The following RALGAPA1 variants were observed in gnomAD, a reference collection of about 807,000 sequenced individuals.
The protein encoded by RALGAPA1 is ral GTPase-activating protein subunit alpha-1.
RALGAPA1 carries 52 observed loss-of-function variants against 269.6 expected under a neutral mutation model. The observed-to-expected ratio is 0.19, with a 90% CI of 0.15 to 0.24. RALGAPA1 has a LOEUF of 0.24. Ranked by LOEUF, RALGAPA1 falls within the 10% of genes least tolerant of loss-of-function variation. RALGAPA1 has a pLI of 1.00. For synonymous variants in RALGAPA1, 817 were observed against 1,008.3 expected (o/e 0.81, Z 3.60); for missense variants, 1,917 against 3,013.9 (o/e 0.64, Z 8.52).
rs766549824 is a variant in RALGAPA1 at position 35,627,634 on chromosome 14, C to T, written c.6313G>A (p.Val2105Ile). Reference sequence around the variant, plus strand: ...GAATATTTTCCAGAGAGATCACGTACTATGATTCTGACATTTGAATTGGCT... The same window carrying T: ...GAATATTTTCCAGAGAGATCACGTATTATGATTCTGACATTTGAATTGGCT... ...ASANSNVRII[V>I]RDLSGKYSWD... The change falls in exon 34 of 42, where the codon GTA becomes ATA. Residue 2105 changes from valine (V) to isoleucine (I), a missense_variant. Physicochemically the swap from Val to Ile is conservative, Grantham distance 29. Coordinates refer to ENST00000680220, the MANE Select transcript of RALGAPA1 (RefSeq NM_001346249.2). The T allele has an allele frequency of 4.4e-6, 7 of 1,591,342 alleles. No homozygotes were observed. The Admixed American group carries it at 1.2e-4, about 28-fold the overall frequency.
Position 35,688,415 on chromosome 14 carries a change from T to G in RALGAPA1, c.3952+44A>C, listed in dbSNP as rs567627732. 2.0e-6 allele frequency: 3 copies of G among 1,535,618 alleles called. 1 individual carries two copies. The South Asian group carries it at 3.6e-5, about 18-fold the overall frequency. On this transcript the variant is annotated intron_variant, in intron 18 of 41. Transcript: ENST00000680220. ...CTTCAGTTGCATTAAGCCAAACTGG[T>G]GCTGTCTTTCTCCTTTTGCGCTCTG...
At chr14:35,550,778 A>G (rs2054925417) in intron 39 of RALGAPA1, among the ~76,000 whole-genome samples, 1 of 152,144 alleles carries the variant, frequency 6.6e-6, no homozygotes, top group African/African-American at 2.4e-5. Flanking sequence ...ATTACCTTCC[A>G]TTCTGTACAC....
Position 35,627,768 on chromosome 14 carries a change from C to T in RALGAPA1, c.6179G>A (p.Ser2060Asn), listed in dbSNP as rs1566865769. ...STELSPELFESPNIQFFVLNN... is the reference protein window; with the variant it reads ...STELSPELFENPNIQFFVLNN... The stretch of plus-strand genomic sequence containing the variant: ...TAACACAAAGAACTGGATATTTGGA[C>T]TCTCAAAGAGTTCAGGAGAAAGTTC... Residue 2060 changes from serine (S) to asparagine (N), a missense_variant, in exon 34 of 42, where the codon AGT (serine) becomes AAT (asparagine). Ser to Asn is a conservative substitution (Grantham distance 46). Transcript: ENST00000680220. 6.2e-7 allele frequency: 1 copy of T among 1,612,468 alleles called. No homozygotes were observed. Among genetic ancestry groups the T allele is most frequent in the Admixed American group, 1.7e-5 (1 of 59,898 alleles).
At position 35,627,755 on chromosome 14, in the gene RALGAPA1, C is replaced by G; in HGVS notation, c.6192G>C (p.Gln2064His). 1 of 1,613,622 alleles carries G rather than the reference C, an allele frequency of 6.2e-7. No individual in the cohort carries two copies. Among genetic ancestry groups the G allele is most frequent in the Non-Finnish European group, 8.5e-7 (1 of 1,179,794 alleles). ...SPELFESPNI[Q>H]FFVLNNTTLV... Reference sequence around the variant, plus strand: ...AGGTTGTATTATTTAACACAAAGAACTGGATATTTGGACTCTCAAAGAGTT... The same window carrying G: ...AGGTTGTATTATTTAACACAAAGAAGTGGATATTTGGACTCTCAAAGAGTT... Residue 2064 changes from glutamine (Q) to histidine (H), a missense_variant, in exon 34 of 42, where the codon CAG becomes CAC. Physicochemically the swap from Gln to His is conservative, Grantham distance 24 (BLOSUM62 0). This residue lies in a region of RALGAPA1 where 346 missense variants were observed against 566.1 expected (regional missense o/e 0.61). Coordinates refer to ENST00000680220, the MANE Select transcript of RALGAPA1 (RefSeq NM_001346249.2).
chr14:35,582,898 T>G (rs2058044907), intron 37 of RALGAPA1, among the ~76,000 whole-genome samples: 1 of 152,066 alleles, frequency 6.6e-6, no homozygotes, highest in Non-Finnish European at 1.5e-5. Context: ...AAAACACTAG[T>G]GAAGTTCACA....
Position 35,539,377 on chromosome 14 carries a change from A to C in RALGAPA1, c.*337T>G. 1.3e-6 allele frequency: 1 copy of C among 776,786 alleles called. No individual in the cohort carries two copies. 48.1% of individuals were successfully genotyped at this position (776,786 alleles called of 1,614,324 possible). On this transcript the variant is annotated 3_prime_UTR_variant, in exon 42 of 42. Transcript: ENST00000680220. ...GAAACAATAAATAACTTAAATCTTT[A>C]ATATTAAGCTACAAATTATTTAAAA... is the stretch of plus-strand genomic sequence containing the variant.
chr14:35,722,984 T>A, intron 15 of RALGAPA1, 43 bp downstream of exon 15: 1 of 1,258,090 alleles, frequency 7.9e-7, no homozygotes, highest in Non-Finnish European at 1.1e-6. Flanking sequence ...GACTCAATTA[T>A]TTAAACAAAT....
At chr14:35,543,838 T>C (rs779575724) in intron 41 of RALGAPA1, among the ~76,000 whole-genome samples, 19 of 152,178 alleles carry the variant, frequency 1.2e-4, no homozygotes, top group Non-Finnish European at 2.8e-4. Flanking sequence ...AGAAGGGTTT[T>C]GCCATGTTGG....
chr14:35,752,481 C>T (rs1440216067), intron 7 of RALGAPA1, among the ~76,000 whole-genome samples: 1 of 152,076 alleles, frequency 6.6e-6, no homozygotes, highest in Non-Finnish European at 1.5e-5. Context: ...AAAAACCATA[C>T]AAAATACATA....
chr14:35,641,629 T>C (rs1228869156), intron 31 of RALGAPA1, among the ~76,000 whole-genome samples: 1 of 152,228 alleles, frequency 6.6e-6, no homozygotes. Flanking sequence ...TCCATGTTCA[T>C]GTATTGAAAG....
intron 31 of RALGAPA1, among the ~76,000 whole-genome samples, chr14:35,645,355 GTGTGT>G (rs2062346015): frequency 1.4e-5 from 2 of 143,234 alleles, no homozygotes; most frequent in Non-Finnish European, 3.1e-5. Context: ...GGGTGTGTGT[GTGTGT>G]GTGTGTGTGT....
intron 9 of RALGAPA1, among the ~76,000 whole-genome samples, chr14:35,750,274 T>C (rs2072552628): frequency 6.6e-6 from 1 of 152,194 alleles, no homozygotes; most frequent in Admixed American, 6.5e-5. Context: ...GACATACTAA[T>C]GAAATTATCT....
At chr14:35,783,428 T>C (rs1216640853) in intron 1 of RALGAPA1, among the ~76,000 whole-genome samples, 3 of 152,084 alleles carry the variant, frequency 2.0e-5, no homozygotes, top group Non-Finnish European at 4.4e-5. Flanking sequence ...CTTGAAAAAT[T>C]AACTCAAAAT....
rs1264727317 is a variant in RALGAPA1 at position 35,549,174 on chromosome 14, T to C, written c.7557A>G (p.Thr2519=). Residue 2519 remains threonine, a synonymous_variant, in exon 40 of 42, where the codon ACA becomes ACG. Coordinates refer to ENST00000680220, the MANE Select transcript of RALGAPA1 (RefSeq NM_001346249.2). ...TIVQHHLEPT[T]FEDFAAQVFS... ...AAACCTGTGCTGCAAAATCTTCAAA[T>C]GTTGTTGGTTCTAAGTGGTGCTGGA... is the stretch of plus-strand genomic sequence containing the variant. 9.9e-6 allele frequency: 16 copies of C among 1,612,748 alleles called. No individual in the cohort carries two copies. The highest frequency in any genetic ancestry group is 1.7e-4 in the Middle Eastern group (1 of 5,738).
chr14:35,587,209 G>A (rs1054218257), intron 37 of RALGAPA1, among the ~76,000 whole-genome samples: 3 of 152,114 alleles, frequency 2.0e-5, no homozygotes, highest in African/African-American at 7.2e-5. Flanking sequence ...ATGTGTCCAG[G>A]AATTTATCCA....
chr14:35,799,945 A>T (rs547584518), intron 1 of RALGAPA1, among the ~76,000 whole-genome samples: 6 of 152,348 alleles, frequency 3.9e-5, no homozygotes, highest in African/African-American at 1.4e-4. Flanking sequence ...GGCAATGGCT[A>T]TATTAATATC....
At chr14:35,616,231 A>G (rs1287022445) in intron 35 of RALGAPA1, among the ~76,000 whole-genome samples, 3 of 152,184 alleles carry the variant, frequency 2.0e-5, no homozygotes, top group African/African-American at 7.2e-5. Context: ...AATGTGACCT[A>G]GAAATGATAG....
chr14:35,651,207 T>C (rs1313836206), intron 31 of RALGAPA1, among the ~76,000 whole-genome samples: 2 of 152,094 alleles, frequency 1.3e-5, no homozygotes, highest in African/African-American at 4.8e-5. Flanking sequence ...ATTATAAATA[T>C]GTTAAAGTAT....
intron 36 of RALGAPA1, among the ~76,000 whole-genome samples, chr14:35,599,832 A>G (rs1199940409): frequency 6.6e-6 from 1 of 151,164 alleles, no homozygotes; most frequent in Non-Finnish European, 1.5e-5. Flanking sequence ...TGGCTCCCAC[A>G]GTTTCTGATA....
Sources: allele counts gnomAD v4.1 joint callset (sites outside exome capture counted in the v4.1 genomes callset), GRCh38; gene constraint gnomAD v4.1.1; regional missense constraint gnomAD v4.1.1; transcripts MANE v1.5; gene names NCBI Gene and HGNC (gene_info 2026-07-23, HGNC 2026-07-21).